Variants in LRRC28 observed in about 807,000 individuals in gnomAD.
The protein encoded by LRRC28 is leucine-rich repeat-containing protein 28.
LRRC28 carries 39 observed loss-of-function variants against 45.7 expected under a neutral mutation model. The ratio of observed to expected loss-of-function variants is 0.85; its 90% CI spans 0.66 to 1.12. The LOEUF is 1.12. Among genes scored for constraint, LRRC28 ranks in the 50% most tolerant of loss-of-function variants. The probability of loss-of-function intolerance (pLI) is 0.00; values close to 1 mark genes in which losing one functional copy is unlikely to be tolerated. For missense variants in LRRC28, 435 were observed against 438.5 expected, an observed-to-expected ratio of 0.99 and a Z score of 0.07; for synonymous variants, 206 against 178.8, an observed-to-expected ratio of 1.15 and a Z score of -1.22.
chr15:99,263,315 T>G (rs888512915), intron 2 of LRRC28, among the ~76,000 whole-genome samples: 19 of 133,072 alleles, frequency 1.4e-4, no homozygotes, highest in Admixed American at 1.3e-3. Flanking sequence ...TGAGACCCTG[T>G]CTCAAAAAAA....
At chr15:99,322,075 T>G (rs573756942) in intron 5 of LRRC28, among the ~76,000 whole-genome samples, 1 of 152,148 alleles carries the variant, frequency 6.6e-6, no homozygotes, top group East Asian at 1.9e-4. Context: ...AATAGCAGAT[T>G]CAAAGCCTCC....
intron 2 of LRRC28, chr15:99,259,235 A>G: frequency 1.9e-6 from 2 of 1,048,372 alleles, no homozygotes; most frequent in South Asian, 2.5e-5. Context: ...AATCTGCCTC[A>G]TGGCTGGGTC....
intron 9 of LRRC28, among the ~76,000 whole-genome samples, chr15:99,383,855 T>A (rs1167845428): frequency 1.3e-5 from 2 of 152,174 alleles, no homozygotes; most frequent in Admixed American, 6.5e-5. Flanking sequence ...GAGTCTAGCA[T>A]AGCTGTCTCA....
At chr15:99,258,866 A>G (rs1186891957) in intron 2 of LRRC28, 7 of 706,714 alleles carry the variant, frequency 9.9e-6, no homozygotes, top group African/African-American at 5.2e-5. Flanking sequence ...CTGTGTATTC[A>G]TCACAGATGA....
chr15:99,258,201 A>G, intron 2 of LRRC28: 1 of 1,611,796 alleles, frequency 6.2e-7, no homozygotes, highest in African/African-American at 1.3e-5. Context: ...TTGATTGGCC[A>G]GTTTGGTGTC....
intron 5 of LRRC28, among the ~76,000 whole-genome samples, chr15:99,296,471 T>G (rs1485708570): frequency 2.6e-5 from 4 of 152,222 alleles, no homozygotes; most frequent in Non-Finnish European, 5.9e-5. Flanking sequence ...TGATTTACTC[T>G]TCTGGGAGAC....
intron 5 of LRRC28, among the ~76,000 whole-genome samples, chr15:99,331,466 C>T (rs1028230753): frequency 2.0e-5 from 3 of 152,174 alleles, no homozygotes; most frequent in Non-Finnish European, 2.9e-5. Flanking sequence ...AATTTGTCTT[C>T]AAATTCTATT....
At chr15:99,286,423 G>A (rs941538688) in intron 3 of LRRC28, among the ~76,000 whole-genome samples, 1 of 152,138 alleles carries the variant, frequency 6.6e-6, no homozygotes, top group Non-Finnish European at 1.5e-5. Context: ...GAGCCACCGC[G>A]CCCGGCCATA....
intron 6 of LRRC28, among the ~76,000 whole-genome samples, chr15:99,335,081 TGA>T (rs1438034928): frequency 6.6e-6 from 1 of 152,188 alleles, no homozygotes; most frequent in Non-Finnish European, 1.5e-5. Context: ...ATTAACAAAA[TGA>T]AATGAGGCCG....
intron 2 of LRRC28, among the ~76,000 whole-genome samples, chr15:99,261,937 G>C (rs4360910): frequency 0.095 from 14,488 of 152,090 alleles, 977 homozygotes; most frequent in East Asian, 0.32. Flanking sequence ...GATTACAGGC[G>C]TGAGCCACTG....
chr15:99,361,192 T>G (rs549897718), intron 7 of LRRC28, 144 bp from the exon 8 acceptor site: 2 of 991,628 alleles, frequency 2.0e-6, no homozygotes, highest in Admixed American at 6.2e-5. Flanking sequence ...GAACCCGGGA[T>G]AGCATCTGTT....
rs146727307 is a variant in LRRC28 at position 99,370,821 on chromosome 15, C to T, written c.1031+7556C>T. On this transcript the variant is annotated intron_variant, in intron 9 of 9. Transcript: ENST00000301981. The stretch of plus-strand genomic sequence containing the variant: ...TATAGTAAATACATGCACATACACA[C>T]ATATTGAAACAATTGTGTATATATA... 6.4e-4 allele frequency among the ~76,000 whole-genome samples: 98 copies of T among 152,208 alleles called. 1 individual carries two copies. The highest frequency in any genetic ancestry group is 1.6e-3 in the African/African-American group (65 of 41,522).
intron 6 of LRRC28, among the ~76,000 whole-genome samples, chr15:99,335,765 C>T (rs1308214857): frequency 2.0e-5 from 3 of 151,800 alleles, no homozygotes; most frequent in Non-Finnish European, 4.4e-5. Flanking sequence ...GGAAGTGTGA[C>T]CTACACCAGT....
chr15:99,370,304 CTCATAAAT>C (rs1330959461), intron 9 of LRRC28, among the ~76,000 whole-genome samples: 1 of 152,202 alleles, frequency 6.6e-6, no homozygotes, highest in Non-Finnish European at 1.5e-5. Context: ...AACTCATAAA[CTCATAAAT>C]ACAAAATTAA....
chr15:99,345,193 T>G (rs1956640319), intron 6 of LRRC28, among the ~76,000 whole-genome samples: 2 of 151,910 alleles, frequency 1.3e-5, no homozygotes, highest in African/African-American at 4.8e-5. Flanking sequence ...CAAACCCCAG[T>G]TGTCGGACTC....
At chr15:99,267,674 A>C (rs991161674) in intron 2 of LRRC28, among the ~76,000 whole-genome samples, 5 of 152,236 alleles carry the variant, frequency 3.3e-5, no homozygotes, top group African/African-American at 1.2e-4. Context: ...AATGTGGTAC[A>C]GTTCTGGAAA....
intron 2 of LRRC28, chr15:99,259,260 C>T: frequency 9.5e-7 from 1 of 1,057,004 alleles, no homozygotes; most frequent in South Asian, 1.3e-5. Context: ...AGAAAAGAGG[C>T]TGAATCTTCT....
intron 2 of LRRC28, chr15:99,259,292 A>T: frequency 8.8e-7 from 1 of 1,141,554 alleles, no homozygotes; most frequent in East Asian, 2.3e-5. Context: ...GCGACTTCTG[A>T]AAAGGGGCTA....
At chr15:99,380,614 G>A (rs62025367) in intron 9 of LRRC28, among the ~76,000 whole-genome samples, 22,095 of 152,188 alleles carry the variant, frequency 0.15, 1,641 homozygotes, top group Non-Finnish European at 0.16. Context: ...AGTTGATGCA[G>A]TTTCTTCCTA....
Sources: gnomAD v4.1 joint callset for allele counts (sites outside exome capture counted in the v4.1 genomes callset) on GRCh38, gnomAD v4.1.1 for gene constraint, MANE v1.5 for transcripts, NCBI Gene and HGNC (gene_info 2026-07-23, HGNC 2026-07-21) for gene names.